Variants in ZNF430 observed in about 807,000 individuals in gnomAD.
ZNF430 encodes zinc finger protein 430.
ZNF430 carries 35 observed loss-of-function variants against 56.7 expected under a neutral mutation model. The ratio of observed to expected loss-of-function variants is 0.62; its 90% CI spans 0.47 to 0.82. ZNF430 has a LOEUF of 0.82. Among genes scored for constraint, ZNF430 ranks in the 40% least tolerant of loss-of-function variants. ZNF430 has a pLI of 0.00. For synonymous variants in ZNF430, 212 were observed against 224.3 expected (o/e 0.94, Z 0.49); for missense variants, 574 against 661.0 (o/e 0.87, Z 1.44).
At chr19:21,030,472 A>T (rs966976842) in intron 2 of ZNF430, among the ~76,000 whole-genome samples, 2 of 152,198 alleles carry the variant, frequency 1.3e-5, no homozygotes, top group African/African-American at 4.8e-5. Flanking sequence ...TGCTTAATAA[A>T]CATTGCATTT....
At chr19:21,047,677 G>A (rs1968204544) in intron 4 of ZNF430, among the ~76,000 whole-genome samples, 2 of 152,320 alleles carry the variant, frequency 1.3e-5, no homozygotes, top group East Asian at 3.9e-4. Flanking sequence ...AACCAGTGGA[G>A]CCTGCAGAAT....
At position 21,056,774 on chromosome 19, in the gene ZNF430, A is replaced by T; in HGVS notation, c.466A>T (p.Asn156Tyr). 1 of 1,614,024 alleles carries T rather than the reference A, an allele frequency of 6.2e-7. No homozygotes were observed. The highest frequency in any genetic ancestry group is 1.7e-5 in the Admixed American group (1 of 60,002). Residue 156 changes from asparagine to tyrosine, a missense_variant, in exon 5 of 5, where the codon AAT becomes TAT. Asn to Tyr is a moderately radical substitution (Grantham distance 143). Transcript: ENST00000261560. ...AGGCTGTAAAAGTGTGGATGAGTGT[A>T]ATCTGCACAAAGAATGTTATGATGA... The part of the protein sequence containing the change: ...RTGCKSVDEC[N>Y]LHKECYDELN...
intron 4 of ZNF430, among the ~76,000 whole-genome samples, chr19:21,044,997 A>C (rs932051499): frequency 3.4e-4 from 51 of 151,756 alleles, no homozygotes; most frequent in African/African-American, 1.2e-3. Context: ...TTAGTGTTCT[A>C]TTTTATTAAT....
In ZNF430 at chr19:21,057,648, A is replaced by G. The variant is rs748887125; in HGVS notation, c.1340A>G (p.His447Arg). Residue 447 changes from histidine to arginine, a missense_variant, in exon 5 of 5, where the codon CAT becomes CGT. By Grantham distance (29) the His-to-Arg change is conservative. Around this residue, in one of 3 missense-constraint regions of ZNF430, gnomAD observed 213 missense variants for 221.0 expected, o/e 0.96. Coordinates refer to ENST00000261560, the MANE Select transcript of ZNF430 (RefSeq NM_025189.4). The stretch of plus-strand genomic sequence containing the variant: ...AATGAGTCCTCAAACCTTACTGCAC[A>G]TAAGATAATTCATACTGGAGAGAAA... ...AFNESSNLTAHKIIHTGEKPY... is the reference protein window; with the variant it reads ...AFNESSNLTARKIIHTGEKPY... The G allele has an allele frequency of 5.0e-5, 81 of 1,612,302 alleles. No individual in the cohort carries two copies. The highest frequency in any genetic ancestry group is 6.6e-5 in the Non-Finnish European group (78 of 1,179,576).
intron 4 of ZNF430, among the ~76,000 whole-genome samples, chr19:21,048,746 C>T (rs1300720049): frequency 6.6e-6 from 1 of 152,004 alleles, no homozygotes; most frequent in East Asian, 1.9e-4. Context: ...TCCTCACTTC[C>T]CAGAAGGGGC....
Position 21,058,227 on chromosome 19 carries a change from A to C in ZNF430, c.*206A>C. On this transcript the variant is annotated 3_prime_UTR_variant, in exon 5 of 5. Transcript: ENST00000261560. ...TGGGAGGCTGAGACGGGTGAATTAC[A>C]TGAGGTTGGGAGTTCGAGACCAGCC... The C allele has an allele frequency of 3.6e-6, 2 of 561,190 alleles. No individual in the cohort carries two copies. The highest frequency in any genetic ancestry group is 6.2e-6 in the Non-Finnish European group (2 of 320,492). 34.8% of individuals were successfully genotyped at this position (561,190 alleles called of 1,614,324 possible). A position where few individuals can be genotyped will look rare whatever the true frequency, so the allele number is the denominator to read the frequency against.
chr19:21,057,265 T>A lies in ZNF430; in HGVS notation c.957T>A (p.Cys319Ter). The change falls in exon 5 of 5, where the codon TGT becomes TGA. Residue 319 changes from cysteine to a stop codon, truncating the protein, a stop_gained. Transcript: ENST00000261560. LOFTEE classifies it high-confidence loss of function. ...ATACTGGAGAGAAACCCTACAGATG[T>A]GAAGAATGTGGCAGAGCTTTTAACC... ...RIHTGEKPYR[C>*]EECGRAFNRS... The A allele has an allele frequency of 6.2e-7, 1 of 1,613,346 alleles. No individual in the cohort carries two copies. Among genetic ancestry groups the A allele is most frequent in the Non-Finnish European group, 8.5e-7 (1 of 1,179,882 alleles).
chr19:21,058,714 T>C lies in ZNF430; in HGVS notation c.*693T>C, dbSNP rs1198135615. ...TCACACCTTATTGCACAGGAGAGCA[T>C]TTATACTTGAAAAAAATTGTACAAA... On this transcript the variant is annotated 3_prime_UTR_variant, in exon 5 of 5. Transcript: ENST00000261560. The C allele has an allele frequency of 6.6e-6, 1 of 152,670 alleles. No individual in the cohort carries two copies. Among genetic ancestry groups the C allele is most frequent in the Non-Finnish European group, 1.5e-5 (1 of 68,054 alleles). The allele number at this position is 152,670 out of a possible 1,614,324, so 9.5% of individuals were successfully genotyped here.
intron 2 of ZNF430, among the ~76,000 whole-genome samples, chr19:21,026,408 C>G (rs1967797403): frequency 1.3e-5 from 2 of 152,058 alleles, no homozygotes; most frequent in South Asian, 4.1e-4. Flanking sequence ...AGGCTGGTCT[C>G]AAACTCCTGA....
At chr19:21,034,969 C>T (rs1176930121) in intron 4 of ZNF430, 2 of 152,100 alleles carry the variant, frequency 1.3e-5, no homozygotes, top group African/African-American at 4.8e-5. Context: ...ACTATATTCT[C>T]GAAATATAGT....
intron 2 of ZNF430, among the ~76,000 whole-genome samples, chr19:21,027,039 A>G (rs1288387764): frequency 1.3e-5 from 2 of 151,910 alleles, no homozygotes; most frequent in Admixed American, 1.3e-4. Flanking sequence ...CATGTTGGCC[A>G]GGATGGTCTC....
intron 2 of ZNF430, among the ~76,000 whole-genome samples, chr19:21,023,134 G>A (rs748453721): frequency 1.3e-5 from 2 of 152,210 alleles, no homozygotes; most frequent in Admixed American, 1.3e-4. Flanking sequence ...ACTGACCCCA[G>A]TGAGATGGCG....
rs768860007 is a variant in ZNF430, at chr19:21,057,163, A to G, written c.855A>G (p.Gly285=). ...TLTTHKIIHT[G]EKPYRCEECG... is the part of the protein sequence containing the mutation. ...CTACACATAAGATAATTCATACTGG[A>G]GAGAAACCCTACAGATGTGAAGAAT... Residue 285 remains glycine (G), a synonymous_variant, in exon 5 of 5, where the codon GGA becomes GGG. Transcript: ENST00000261560. 2 of 1,613,922 alleles carry G rather than the reference A, an allele frequency of 1.2e-6. No individual in the cohort carries two copies. Among genetic ancestry groups the G allele is most frequent in the Non-Finnish European group, 1.7e-6 (2 of 1,180,014 alleles).
Position 21,056,876 on chromosome 19 carries a change from T to C in ZNF430, c.568T>C (p.Ser190Pro), listed in dbSNP as rs1193384437. The change falls in exon 5 of 5, where the codon TCA (serine) becomes CCA (proline). Residue 190 changes from serine (S) to proline (P), a missense_variant. By Grantham distance (74) the Ser-to-Pro change is moderately conservative. Coordinates refer to ENST00000261560, the MANE Select transcript of ZNF430 (RefSeq NM_025189.4). ...DKYVNVFYKF[S>P]NPNIQKIRHT... Reference sequence around the variant, plus strand: ...ATATGTGAATGTCTTTTATAAATTTTCAAATCCAAATATACAAAAGATAAG... The same window carrying C: ...ATATGTGAATGTCTTTTATAAATTTCCAAATCCAAATATACAAAAGATAAG... 1 of 1,609,240 alleles carries C rather than the reference T, an allele frequency of 6.2e-7. No homozygotes were observed. Among genetic ancestry groups the C allele is most frequent in the African/African-American group, 1.3e-5 (1 of 74,658 alleles).
intron 4 of ZNF430, among the ~76,000 whole-genome samples, chr19:21,050,625 A>C (rs1053421885): frequency 6.6e-6 from 1 of 152,158 alleles, no homozygotes; most frequent in African/African-American, 2.4e-5. Flanking sequence ...ACACTCTTGG[A>C]TTTGAAGATT....
intron 4 of ZNF430, among the ~76,000 whole-genome samples, chr19:21,037,029 T>C (rs1187491198): frequency 6.6e-6 from 1 of 152,120 alleles, no homozygotes; most frequent in Non-Finnish European, 1.5e-5. Flanking sequence ...AGTGGAATCA[T>C]ACTGTATCCA....
chr19:21,025,402 T>C (rs1967773650), intron 2 of ZNF430, among the ~76,000 whole-genome samples: 1 of 152,194 alleles, frequency 6.6e-6, no homozygotes, highest in Admixed American at 6.5e-5. Context: ...TTTATCCACC[T>C]TCTTTACTGC....
rs1416438060 is a variant in ZNF430 at position 21,057,043 on chromosome 19, C to T, written c.735C>T (p.Phe245=). The T allele has an allele frequency of 1.2e-6, 2 of 1,613,884 alleles. No individual in the cohort carries two copies. Among genetic ancestry groups the T allele is most frequent in the African/African-American group, 1.3e-5 (1 of 74,928 alleles). ...AATGTGGTAAAGTCTTTAACTGGTT[C>T]TCAACCCTTACTAGACACAGAAGAA... ...CEECGKVFNW[F]STLTRHRRIH... Residue 245 remains phenylalanine, a synonymous_variant, in exon 5 of 5, where the codon TTC becomes TTT. Transcript: ENST00000261560.
Position 21,057,618 on chromosome 19 carries a change from C to T in ZNF430, c.1310C>T (p.Ala437Val). 1 of 1,612,018 alleles carries T rather than the reference C, an allele frequency of 6.2e-7. No homozygotes were observed. Among genetic ancestry groups the T allele is most frequent in the Non-Finnish European group, 8.5e-7 (1 of 1,179,514 alleles). ...TACAAATGTGAACAATGTGGCAAAG[C>T]TTTTAATGAGTCCTCAAACCTTACT... ...KPYKCEQCGK[A>V]FNESSNLTAH... Residue 437 changes from alanine (A) to valine (V), a missense_variant, in exon 5 of 5, where the codon GCT (alanine) becomes GTT (valine). Ala to Val is a moderately conservative substitution (Grantham distance 64, BLOSUM62 0). Transcript: ENST00000261560.
Sources: allele counts gnomAD v4.1 joint callset (sites outside exome capture counted in the v4.1 genomes callset), GRCh38; gene constraint gnomAD v4.1.1; regional missense constraint gnomAD v4.1.1; transcripts MANE v1.5; gene names NCBI Gene and HGNC (gene_info 2026-07-23, HGNC 2026-07-21).